Variants in NEK6 observed in about 807,000 individuals in gnomAD.
NEK6 encodes the protein NIMA related kinase 6, also known as serine/threonine-protein kinase Nek6.
Under a neutral mutation model 43.5 loss-of-function variants are expected in NEK6, and 27 were observed. The ratio of observed to expected loss-of-function variants is 0.62; its 90% CI spans 0.46 to 0.86. The LOEUF (loss-of-function observed/expected upper bound fraction) is 0.86. Among genes scored for constraint, NEK6 ranks in the 40% least tolerant of loss-of-function variants. NEK6 has a pLI of 0.00. For synonymous variants in NEK6, 167 were observed against 164.1 expected, an observed-to-expected ratio of 1.02 and a Z score of -0.14; for missense variants, 318 against 414.4, an observed-to-expected ratio of 0.77 and a Z score of 2.02.
At chr9:124,301,844 C>A in intron 1 of NEK6, 92 bp from the exon 2 acceptor site, 1 of 1,038,034 alleles carries the variant, frequency 9.6e-7, no homozygotes, top group East Asian at 2.6e-5. Flanking sequence ...TGCACCTCAG[C>A]TCACGCATCT....
chr9:124,323,180 A>C (rs1375016102), intron 5 of NEK6, among the ~76,000 whole-genome samples: 2 of 152,228 alleles, frequency 1.3e-5, no homozygotes, highest in African/African-American at 2.4e-5. Flanking sequence ...ATGAGTAGTT[A>C]GGAGCCAGTG....
At chr9:124,308,187 A>G (rs551477194) in intron 2 of NEK6, among the ~76,000 whole-genome samples, 1 of 152,188 alleles carries the variant, frequency 6.6e-6, no homozygotes, top group Non-Finnish European at 1.5e-5. Flanking sequence ...GAAGTGGCAG[A>G]ATTGAGGTTT....
At chr9:124,258,458 G>C (rs918163967) in intron 1 of NEK6, 1 of 537,888 alleles carries the variant, frequency 1.9e-6, no homozygotes, top group Admixed American at 6.4e-5. Context: ...CAGGGAGTAC[G>C]TGCGGGTCTC....
At chr9:124,278,946 G>T (rs965896056) in intron 1 of NEK6, among the ~76,000 whole-genome samples, 2 of 152,302 alleles carry the variant, frequency 1.3e-5, no homozygotes, top group African/African-American at 4.8e-5. Flanking sequence ...GTGTACCGGG[G>T]CACTTTGCCT....
chr9:124,279,213 C>T (rs898645400), intron 1 of NEK6, among the ~76,000 whole-genome samples: 1 of 152,012 alleles, frequency 6.6e-6, no homozygotes, highest in African/African-American at 2.4e-5. Flanking sequence ...GCAGGGAGCT[C>T]CCCCTCGGAC....
At position 124,326,202 on chromosome 9, in the gene NEK6, T is replaced by TCCCCCCCCCCC. The variant is rs61223297; in HGVS notation, c.406-127_406-117dup. 1.6e-3 allele frequency: 201 copies of TCCCCCCCCCCC among 125,178 alleles called. 30 individuals are homozygous for TCCCCCCCCCCC. Among genetic ancestry groups the TCCCCCCCCCCC allele is most frequent in the Non-Finnish European group, 2.1e-3 (109 of 51,146 alleles). The allele number at this position is 125,178 out of a possible 1,614,324, so 7.8% of individuals were successfully genotyped here. Reference sequence around the variant, plus strand: ...GCTTATTGTTTGCTCAGTGGCTCAATCCCCCCCCCCCGCCCCTGCCAGGCA... The same window carrying TCCCCCCCCCCC: ...GCTTATTGTTTGCTCAGTGGCTCAATCCCCCCCCCCCCCCCCCCCCCCGCCCCTGCCAGGCA... On this transcript the variant is annotated intron_variant, in intron 5 of 9. Coordinates refer to ENST00000320246, the MANE Select transcript of NEK6 (RefSeq NM_014397.6). The surrounding 1 kb of genome is among the most constrained non-coding windows in gnomAD (Gnocchi z 4.5).
At chr9:124,299,481 G>A (rs1410058569) in intron 1 of NEK6, among the ~76,000 whole-genome samples, 3 of 152,148 alleles carry the variant, frequency 2.0e-5, no homozygotes, top group Non-Finnish European at 4.4e-5. Context: ...TTTATCCTGG[G>A]GCTCTTTATA....
Position 124,353,305 on chromosome 9 carries a change from C to T in NEK6, c.*2358C>T, listed in dbSNP as rs1675971609. On this transcript the variant is annotated 3_prime_UTR_variant, in exon 10 of 10. Coordinates refer to ENST00000320246, the MANE Select transcript of NEK6 (RefSeq NM_014397.6). ...CAAGGGAGTCCACTCTGACTTCTGA[C>T]AGCAGACAGAACCTATCTGTCCTCA... 4.9e-6 allele frequency: 2 copies of T among 411,734 alleles called. No homozygotes were observed. The highest frequency in any genetic ancestry group is 2.0e-5 in the African/African-American group (1 of 49,080). The allele number at this position is 411,734 out of a possible 1,614,324, so 25.5% of individuals were successfully genotyped here.
At chr9:124,350,159 CAGCAGCAGG>C (rs1830177052) in intron 9 of NEK6, among the ~76,000 whole-genome samples, 1 of 152,232 alleles carries the variant, frequency 6.6e-6, no homozygotes, top group Non-Finnish European at 1.5e-5. Flanking sequence ...ACCACCCCTC[CAGCAGCAGG>C]TATTTAAATG....
At chr9:124,305,553 CAAAA>C (rs11445181) in intron 2 of NEK6, among the ~76,000 whole-genome samples, 1 of 123,732 alleles carries the variant, frequency 8.1e-6, no homozygotes, top group Non-Finnish European at 1.7e-5. Context: ...GACCCCATCT[CAAAA>C]AAAAAAAAAA....
At position 124,341,177 on chromosome 9, in the gene NEK6, G is replaced by A. The variant is rs183362907; in HGVS notation, c.717+1512G>A. Among the ~76,000 whole-genome samples the A allele has an allele frequency of 3.0e-3, 463 of 152,306 alleles. 2 individuals carry two copies. Among genetic ancestry groups the A allele is most frequent in the African/African-American group, 0.011 (442 of 41,562 alleles). ...CCTGCCTTAGCCTCCCAAGTAGCTG[G>A]GACTACAGACGCCCGCCACCCCACC... On this transcript the variant is annotated intron_variant, in intron 8 of 9. Transcript: ENST00000320246.
chr9:124,328,220 C>T (rs1338672179), intron 7 of NEK6, among the ~76,000 whole-genome samples: 1 of 152,110 alleles, frequency 6.6e-6, no homozygotes, highest in Non-Finnish European at 1.5e-5. Flanking sequence ...GAATGCTGTA[C>T]GATGGGGGAT....
chr9:124,269,530 C>G (rs994482468), intron 1 of NEK6, among the ~76,000 whole-genome samples: 1 of 152,052 alleles, frequency 6.6e-6, no homozygotes, highest in African/African-American at 2.4e-5. Context: ...CCCACCACCA[C>G]GCCCGGCTAA....
At chr9:124,305,815 G>A (rs982038672) in intron 2 of NEK6, among the ~76,000 whole-genome samples, 1 of 152,344 alleles carries the variant, frequency 6.6e-6, no homozygotes, top group African/African-American at 2.4e-5. Context: ...GTGGGACAGG[G>A]AGAGGCCCCA....
intron 8 of NEK6, among the ~76,000 whole-genome samples, chr9:124,345,704 C>G (rs1013260502): frequency 5.4e-4 from 82 of 152,196 alleles, no homozygotes; most frequent in African/African-American, 2.0e-3. Context: ...AATGTCCCTT[C>G]TACGCTGCAC....
chr9:124,301,848 C>A (rs982224216), intron 1 of NEK6, 88 bp from the exon 2 acceptor site: 2 of 1,070,712 alleles, frequency 1.9e-6, no homozygotes, highest in East Asian at 2.6e-5. Flanking sequence ...CCTCAGCTCA[C>A]GCATCTGTAA....
chr9:124,266,073 C>T (rs1358254471), intron 1 of NEK6, among the ~76,000 whole-genome samples: 5 of 152,002 alleles, frequency 3.3e-5, no homozygotes, highest in Non-Finnish European at 7.4e-5. Flanking sequence ...TGGAGGGAGA[C>T]GTGGGGTTTG....
intron 8 of NEK6, among the ~76,000 whole-genome samples, chr9:124,340,728 G>A (rs980744463): frequency 2.0e-5 from 3 of 152,196 alleles, no homozygotes; most frequent in Admixed American, 6.5e-5. Context: ...TGCTGTGGCC[G>A]GTGACAGTCC....
At chr9:124,272,155 T>C (rs1401746025) in intron 1 of NEK6, among the ~76,000 whole-genome samples, 1 of 152,130 alleles carries the variant, frequency 6.6e-6, no homozygotes, top group Non-Finnish European at 1.5e-5. Context: ...GTAAACGACA[T>C]GGTATGGGGT....
Sources: allele counts gnomAD v4.1 joint callset (sites outside exome capture counted in the v4.1 genomes callset), GRCh38; gene constraint gnomAD v4.1.1; non-coding constraint Gnocchi (gnomAD v3.1); transcripts MANE v1.5; gene names NCBI Gene and HGNC (gene_info 2026-07-23, HGNC 2026-07-21).